SHISA6: variants seen among roughly 807,000 people sequenced by gnomAD.
SHISA6 encodes shisa family member 6, also known as protein shisa-6.
In SHISA6, 22 loss-of-function variants were observed where a neutral mutation model predicts 47.9. That is an observed-to-expected ratio of 0.46 (90% CI 0.33 to 0.66). The LOEUF is 0.66. SHISA6 is among the 30% of genes least tolerant of loss of function. The pLI is 0.02. For synonymous variants in SHISA6, 388 were observed against 337.8 expected, an observed-to-expected ratio of 1.15 and a Z score of -1.63; for missense variants, 680 against 764.6, an observed-to-expected ratio of 0.89 and a Z score of 1.30.
chr17:11,551,895 G>A lies in SHISA6; in HGVS notation c.896-1G>A. 1 of 1,551,598 alleles carries A rather than the reference G, an allele frequency of 6.4e-7. No individual in the cohort carries two copies. The highest frequency in any genetic ancestry group is 8.7e-7 in the Non-Finnish European group (1 of 1,146,918). The stretch of plus-strand genomic sequence containing the variant: ...AAAAATTTCTTTTCTATGATTTTCA[G>A]GTGATCATCAATATAACCATCCGAT... On this transcript the variant is annotated splice_acceptor_variant, in intron 3 of 5. Transcript: ENST00000441885. LOFTEE classifies it high-confidence loss of function.
intron 3 of SHISA6, among the ~76,000 whole-genome samples, chr17:11,484,483 C>T (rs527519380): frequency 2.0e-5 from 3 of 152,328 alleles, no homozygotes; most frequent in South Asian, 2.1e-4. Flanking sequence ...TCACTGCAAC[C>T]TCTGCCTCCT....
chr17:11,476,104 T>C (rs760848544), intron 3 of SHISA6, among the ~76,000 whole-genome samples: 9 of 152,102 alleles, frequency 5.9e-5, no homozygotes, highest in Non-Finnish European at 1.3e-4. Flanking sequence ...TATTATTCTG[T>C]TAACATTCGT....
chr17:11,323,936 T>G (rs1283422803), intron 2 of SHISA6, among the ~76,000 whole-genome samples: 1 of 152,136 alleles, frequency 6.6e-6, no homozygotes, highest in Non-Finnish European at 1.5e-5. Context: ...TACTTTTTGC[T>G]GCAGCTTGAA....
At chr17:11,252,598 C>A (rs1039924878) in intron 1 of SHISA6, among the ~76,000 whole-genome samples, 1 of 152,182 alleles carries the variant, frequency 6.6e-6, no homozygotes, top group Non-Finnish European at 1.5e-5. Context: ...TGCTAGGAGT[C>A]AGGCAGGTTG....
intron 2 of SHISA6, among the ~76,000 whole-genome samples, chr17:11,319,315 G>A (rs903573225): frequency 6.6e-6 from 1 of 152,090 alleles, no homozygotes; most frequent in African/African-American, 2.4e-5. Flanking sequence ...CTGACCTCAG[G>A]TGATCCACCC....
At chr17:11,285,482 T>G (rs1487413925) in intron 2 of SHISA6, among the ~76,000 whole-genome samples, 1 of 152,180 alleles carries the variant, frequency 6.6e-6, no homozygotes, top group Non-Finnish European at 1.5e-5. Context: ...GGGTGTCATT[T>G]TATTGTTTGA....
chr17:11,515,319 AG>A (rs1404580614), intron 3 of SHISA6, among the ~76,000 whole-genome samples: 1 of 104,974 alleles, frequency 9.5e-6, no homozygotes, highest in Non-Finnish European at 2.1e-5. Context: ...AGAAAAAGGA[AG>A]GAAGGAAGGA....
At chr17:11,388,703 T>TA (rs916546016) in intron 3 of SHISA6, among the ~76,000 whole-genome samples, 52 of 146,262 alleles carry the variant, frequency 3.6e-4, no homozygotes, top group Admixed American at 1.9e-3. Flanking sequence ...AGCTACTTGG[T>TA]AAAAAAAATG....
chr17:11,546,208 C>T (rs1380078579), intron 3 of SHISA6, among the ~76,000 whole-genome samples: 1 of 152,082 alleles, frequency 6.6e-6, no homozygotes. Context: ...ACAGAGACAC[C>T]AAAACTCTCT....
Position 11,383,633 on chromosome 17 carries a change from A to T in SHISA6, c.895+4124A>T, listed in dbSNP as rs527274775. Among the ~76,000 whole-genome samples the T allele has an allele frequency of 1.7e-4, 26 of 151,978 alleles. No homozygotes were observed. The South Asian group carries it at 5.4e-3, about 32-fold the overall frequency. Reference sequence around the variant, plus strand: ...CCCAGGCACTAGAATTAGTTCTGACACCCGTTTTCAGGACTTTCTAACTGA... The same window carrying T: ...CCCAGGCACTAGAATTAGTTCTGACTCCCGTTTTCAGGACTTTCTAACTGA... On this transcript the variant is annotated intron_variant, in intron 3 of 5. Transcript: ENST00000441885.
chr17:11,252,800 G>A (rs1283692888), intron 1 of SHISA6, among the ~76,000 whole-genome samples: 1 of 152,198 alleles, frequency 6.6e-6, no homozygotes, highest in Non-Finnish European at 1.5e-5. Context: ...TGGCTCAAAA[G>A]CTGAGGCTGC....
Position 11,558,639 on chromosome 17 carries a change from T to C in SHISA6, c.*335T>C, listed in dbSNP as rs1322920380. On this transcript the variant is annotated 3_prime_UTR_variant, in exon 6 of 6. Coordinates refer to ENST00000441885, the MANE Select transcript of SHISA6 (RefSeq NM_207386.4). ...GCCTCCTTCTCCCCATCCGGGGGAC[T>C]CAGCTGCAGGTTCTGTCAGCAGAGA... 1 of 361,552 alleles carries C rather than the reference T, an allele frequency of 2.8e-6. No homozygotes were observed. Among genetic ancestry groups the C allele is most frequent in the South Asian group, 3.7e-5 (1 of 26,816 alleles). 22.4% of individuals were successfully genotyped at this position (361,552 alleles called of 1,614,324 possible). A position where few individuals can be genotyped will look rare whatever the true frequency, so the allele number is the denominator to read the frequency against.
Position 11,303,964 on chromosome 17 carries a change from G to A in SHISA6, c.799+40438G>A, listed in dbSNP as rs114976595. Among the ~76,000 whole-genome samples the A allele has an allele frequency of 3.9e-3, 595 of 152,296 alleles. 6 individuals are homozygous for A. Among genetic ancestry groups the A allele is most frequent in the African/African-American group, 0.013 (557 of 41,568 alleles). On this transcript the variant is annotated intron_variant, in intron 2 of 5. Transcript: ENST00000441885. ...CCATGTTTCCAGCGTGCCAAAAGCTGCAGGGCCTGACCGGCTCCATATCCA... is the reference window on the plus strand; with the variant it reads ...CCATGTTTCCAGCGTGCCAAAAGCTACAGGGCCTGACCGGCTCCATATCCA...
intron 3 of SHISA6, among the ~76,000 whole-genome samples, chr17:11,423,824 A>T (rs1914528505): frequency 8.1e-6 from 1 of 123,958 alleles, no homozygotes; most frequent in South Asian, 2.5e-4. Context: ...AGCTATTAAT[A>T]AAAAAATGAA....
chr17:11,499,698 T>TTTTTTG (rs199678843), intron 3 of SHISA6, among the ~76,000 whole-genome samples: 14 of 146,512 alleles, frequency 9.6e-5, no homozygotes, highest in African/African-American at 3.7e-4. Context: ...TTTTTTTTTT[T>TTTTTTG]TTGTTGTTGT....
intron 2 of SHISA6, among the ~76,000 whole-genome samples, chr17:11,352,151 A>G (rs1911911310): frequency 6.6e-6 from 1 of 151,952 alleles, no homozygotes; most frequent in African/African-American, 2.4e-5. Context: ...GAAGGAGGAG[A>G]GAGAGGGTAG....
At chr17:11,515,795 C>A (rs1211932613) in intron 3 of SHISA6, among the ~76,000 whole-genome samples, 1 of 152,164 alleles carries the variant, frequency 6.6e-6, no homozygotes, top group Non-Finnish European at 1.5e-5. Context: ...ATCAACTCAA[C>A]CAAGGAGACC....
At chr17:11,391,409 A>G (rs906002057) in intron 3 of SHISA6, among the ~76,000 whole-genome samples, 29 of 152,194 alleles carry the variant, frequency 1.9e-4, no homozygotes, top group African/African-American at 6.8e-4. Context: ...AAACATTACA[A>G]TTAATGACCA....
chr17:11,256,523 A>G (rs967356955), intron 1 of SHISA6, among the ~76,000 whole-genome samples: 4 of 152,054 alleles, frequency 2.6e-5, no homozygotes, highest in African/African-American at 9.7e-5. Flanking sequence ...AACAACGCCA[A>G]CAATCACAAG....
Sources: gnomAD v4.1 joint callset for allele counts (sites outside exome capture counted in the v4.1 genomes callset) on GRCh38, gnomAD v4.1.1 for gene constraint, MANE v1.5 for transcripts, NCBI Gene and HGNC (gene_info 2026-07-23, HGNC 2026-07-21) for gene names.